Variants in DLGAP2 observed in about 807,000 individuals in gnomAD.
The protein encoded by DLGAP2 is DLG associated protein 2.
Under a neutral mutation model 100.3 loss-of-function variants are expected in DLGAP2, and 26 were observed. The observed-to-expected ratio is 0.26, with a 90% CI of 0.19 to 0.36. The LOEUF is 0.36. Ranked by LOEUF, DLGAP2 falls within the 10% of genes least tolerant of loss-of-function variation. The pLI is 1.00. For missense variants in DLGAP2, 1,858 were observed against 1,453.2 expected (o/e 1.28, Z -4.53); for synonymous variants, 886 against 630.1 (o/e 1.41, Z -6.08).
At chr8:1,535,229 T>A (rs1429520729) in intron 4 of DLGAP2, among the ~76,000 whole-genome samples, 2 of 152,292 alleles carry the variant, frequency 1.3e-5, no homozygotes, top group East Asian at 3.9e-4. Flanking sequence ...GTAGCCCTGG[T>A]CATCACAGCC....
intron 2 of DLGAP2, among the ~76,000 whole-genome samples, chr8:1,125,797 A>C (rs1449058492): frequency 6.6e-6 from 1 of 152,220 alleles, no homozygotes; most frequent in Non-Finnish European, 1.5e-5. Context: ...CAGAGGCGGG[A>C]AGGCCGCTCT....
At chr8:829,346 A>G (rs1412830191) in intron 1 of DLGAP2, among the ~76,000 whole-genome samples, 2 of 152,200 alleles carry the variant, frequency 1.3e-5, no homozygotes, top group African/African-American at 4.8e-5. Flanking sequence ...CCATTTCATC[A>G]CCCATGAAGG....
intron 2 of DLGAP2, among the ~76,000 whole-genome samples, chr8:1,013,379 C>T (rs994069855): frequency 4.6e-5 from 7 of 152,148 alleles, no homozygotes; most frequent in Admixed American, 3.3e-4. Flanking sequence ...GAGAGCCTCA[C>T]GCTTGTTTGT....
intron 1 of DLGAP2, among the ~76,000 whole-genome samples, chr8:896,674 C>G (rs182366529): frequency 6.6e-6 from 1 of 152,068 alleles, no homozygotes; most frequent in African/African-American, 2.4e-5. Flanking sequence ...GTACTGTCTT[C>G]TATGGGAGGG....
At chr8:927,344 C>A (rs1034385590) in intron 2 of DLGAP2, 1 of 682,756 alleles carries the variant, frequency 1.5e-6, no homozygotes, top group Non-Finnish European at 1.8e-6. Flanking sequence ...TAAAAATGAC[C>A]GTGACTGTAG....
intron 3 of DLGAP2, among the ~76,000 whole-genome samples, chr8:1,320,977 A>ATGTGTGCGTGCATCCGTGTGCCTCTGCG (rs1800885323): frequency 2.6e-5 from 4 of 151,900 alleles, no homozygotes; most frequent in African/African-American, 9.7e-5. Flanking sequence ...GTGCCTCTAC[A>ATGTGTGCGTGCATCCGTGTGCCTCTGCG]TGTGTGCGTG....
intron 2 of DLGAP2, among the ~76,000 whole-genome samples, chr8:1,027,951 C>A (rs1176247133): frequency 1.7e-5 from 2 of 117,958 alleles, no homozygotes; most frequent in Non-Finnish European, 3.5e-5. Context: ...AGGTGCGGTG[C>A]CAGGCGCTCG....
At chr8:1,489,731 A>T (rs1207774313) in intron 3 of DLGAP2, among the ~76,000 whole-genome samples, 1 of 152,128 alleles carries the variant, frequency 6.6e-6, no homozygotes, top group East Asian at 1.9e-4. Flanking sequence ...TCCAAAGCAA[A>T]CTCAGATCAC....
intron 1 of DLGAP2, among the ~76,000 whole-genome samples, chr8:896,284 A>G (rs1234590306): frequency 6.6e-6 from 1 of 151,834 alleles, no homozygotes; most frequent in African/African-American, 2.4e-5. Context: ...TTGGATGGGG[A>G]TAATGGATGG....
intron 1 of DLGAP2, among the ~76,000 whole-genome samples, chr8:774,174 C>T (rs1028865049): frequency 4.1e-4 from 63 of 152,170 alleles, no homozygotes; most frequent in African/African-American, 1.3e-3. Flanking sequence ...TCATGTCCTT[C>T]ACCTACTTTT....
At chr8:1,023,851 TTATA>T (rs199656400) in intron 2 of DLGAP2, among the ~76,000 whole-genome samples, 1 of 71,172 alleles carries the variant, frequency 1.4e-5, no homozygotes, top group African/African-American at 4.1e-5. Context: ...TGCTCAAACT[TTATA>T]TATGTGTGTG....
intron 3 of DLGAP2, among the ~76,000 whole-genome samples, chr8:1,498,163 T>C (rs956449384): frequency 5.3e-5 from 8 of 152,128 alleles, no homozygotes; most frequent in African/African-American, 1.4e-4. Context: ...CTAGAATTCA[T>C]AGAAAGCGAT....
chr8:1,215,888 C>G (rs11136362), intron 2 of DLGAP2, among the ~76,000 whole-genome samples: 28,997 of 105,610 alleles, frequency 0.27, 6,710 homozygotes, highest in African/African-American at 0.63. Context: ...CAGGTACCTC[C>G]ATGGGTTCAT....
chr8:1,586,420 G>C (rs1164554485), intron 6 of DLGAP2, among the ~76,000 whole-genome samples: 1 of 152,190 alleles, frequency 6.6e-6, no homozygotes, highest in Non-Finnish European at 1.5e-5. Flanking sequence ...TCACTCTGCA[G>C]ACCCCTCCTG....
At chr8:1,582,304 A>ACAAGCCCCACACACATG (rs1396406861) in intron 6 of DLGAP2, among the ~76,000 whole-genome samples, 177 of 112,940 alleles carry the variant, frequency 1.6e-3, no homozygotes, top group African/African-American at 2.2e-3. Flanking sequence ...AAGGATACAG[A>ACAAGCCCCACACACATG]TAAAACCTTA....
intron 3 of DLGAP2, among the ~76,000 whole-genome samples, chr8:1,456,709 A>G (rs1430869642): frequency 1.1e-5 from 1 of 89,234 alleles, no homozygotes; most frequent in Non-Finnish European, 2.4e-5. Flanking sequence ...TGTGACTGGT[A>G]ACCAGCAAAC....
rs140392397 is a variant in DLGAP2, at chr8:1,685,435, G to A, written c.2705-6100G>A. On this transcript the variant is annotated intron_variant, in intron 12 of 14. Transcript: ENST00000637795. ...AATGTATCACACAGCTTAATGGAAC[G>A]TCCACTGCTTCCAGACCTCCTGGGA... is the stretch of plus-strand genomic sequence containing the variant. Among the ~76,000 whole-genome samples the A allele has an allele frequency of 9.8e-5, 15 of 152,314 alleles. No individual in the cohort carries two copies. In the East Asian group the frequency reaches 1.2e-3, roughly 12 times the overall value.
At chr8:1,129,654 T>G (rs2129048874) in intron 2 of DLGAP2, among the ~76,000 whole-genome samples, 1 of 152,326 alleles carries the variant, frequency 6.6e-6, no homozygotes, top group African/African-American at 2.4e-5. Flanking sequence ...GGTTTCATTT[T>G]TGCTTAGTTT....
At chr8:1,646,461 A>G (rs1454347786) in intron 8 of DLGAP2, among the ~76,000 whole-genome samples, 1 of 152,060 alleles carries the variant, frequency 6.6e-6, no homozygotes, top group African/African-American at 2.4e-5. Flanking sequence ...CATCCCACCC[A>G]TGTTCCATTA....
Sources: gnomAD v4.1 joint callset for allele counts (sites outside exome capture counted in the v4.1 genomes callset) on GRCh38, gnomAD v4.1.1 for gene constraint, MANE v1.5 for transcripts, NCBI Gene and HGNC (gene_info 2026-07-23, HGNC 2026-07-21) for gene names.